The following PDE4B variants were observed in gnomAD, a reference collection of about 807,000 sequenced individuals.
PDE4B encodes the protein 3',5'-cyclic-AMP phosphodiesterase 4B.
A neutral mutation model predicts 82.2 loss-of-function variants in PDE4B; 20 were observed. The observed-to-expected ratio is 0.24, with a 90% CI of 0.17 to 0.35. The LOEUF (loss-of-function observed/expected upper bound fraction) is 0.35. Among genes scored for constraint, PDE4B ranks in the 10% least tolerant of loss-of-function variants. The pLI, the probability that PDE4B is intolerant of heterozygous loss-of-function variation, is 1.00. For missense variants in PDE4B, 655 were observed against 907.2 expected (o/e 0.72, Z 3.57); for synonymous variants, 320 against 318.9 (o/e 1.00, Z -0.04).
intron 3 of PDE4B, among the ~76,000 whole-genome samples, chr1:66,077,949 T>G (rs1656515187): frequency 6.6e-6 from 1 of 152,204 alleles, no homozygotes; most frequent in Non-Finnish European, 1.5e-5. Flanking sequence ...GTAAAAATTA[T>G]TTCTCACAAT....
Position 66,311,754 on chromosome 1 carries a change from G to A in PDE4B, c.635-20754G>A, listed in dbSNP as rs151097582. The stretch of plus-strand genomic sequence containing the variant: ...AGCATCATTTTCTCATTTCCCTCAT[G>A]ACACACATTTTAAAGCAGCAAAGTG... On this transcript the variant is annotated intron_variant, in intron 7 of 16. Coordinates refer to ENST00000341517, the MANE Select transcript of PDE4B (RefSeq NM_002600.4). Among the ~76,000 whole-genome samples, 393 of 152,314 alleles carry A rather than the reference G, an allele frequency of 2.6e-3. 4 individuals are homozygous for A. Among genetic ancestry groups the A allele is most frequent in the Admixed American group, 0.022 (338 of 15,290 alleles).
At chr1:65,920,967 T>TC (rs1220628721) in intron 3 of PDE4B, among the ~76,000 whole-genome samples, 1 of 132,530 alleles carries the variant, frequency 7.5e-6, no homozygotes, top group South Asian at 2.8e-4. Context: ...TTCTTTTTTT[T>TC]TTTTTTTTTT....
chr1:65,850,088 C>T (rs1037435695), intron 1 of PDE4B, among the ~76,000 whole-genome samples: 10 of 150,428 alleles, frequency 6.6e-5, no homozygotes, highest in Admixed American at 3.3e-4. Flanking sequence ...TCATCACCAA[C>T]GCTTAGTAGT....
chr1:65,971,293 C>A (rs546092271), intron 3 of PDE4B, among the ~76,000 whole-genome samples: 107 of 152,052 alleles, frequency 7.0e-4, no homozygotes, highest in Non-Finnish European at 1.3e-3. Flanking sequence ...AAAATGACAC[C>A]TGGTCCTTTA....
At chr1:66,005,806 G>A (rs1652116815) in intron 3 of PDE4B, among the ~76,000 whole-genome samples, 2 of 152,168 alleles carry the variant, frequency 1.3e-5, no homozygotes, top group Non-Finnish European at 2.9e-5. Context: ...CTATCTTCAT[G>A]AATACAGTGC....
rs925879236 is a variant in PDE4B, at chr1:65,792,944, C to G, written c.-375C>G. On this transcript the variant is annotated 5_prime_UTR_variant, in exon 1 of 17. Transcript: ENST00000341517. ...GCGCGTCGCCAGCGCCTGTGTCTCC[C>G]TGGCGCGGGTTCCCCAGGCTAGCCC... 6.6e-6 allele frequency among the ~76,000 whole-genome samples: 1 copy of G among 151,862 alleles called. No homozygotes were observed.
At chr1:66,100,872 T>G (rs1286734431) in intron 3 of PDE4B, among the ~76,000 whole-genome samples, 1 of 152,224 alleles carries the variant, frequency 6.6e-6, no homozygotes, top group Non-Finnish European at 1.5e-5. Flanking sequence ...AGGGTACATG[T>G]GCACAACGTG....
At chr1:65,877,765 C>G (rs1646663211) in intron 1 of PDE4B, among the ~76,000 whole-genome samples, 1 of 151,670 alleles carries the variant, frequency 6.6e-6, no homozygotes, top group Non-Finnish European at 1.5e-5. Flanking sequence ...AACATAAAAC[C>G]TAAAACCATA....
At chr1:66,202,949 T>A (rs1009687991) in intron 3 of PDE4B, among the ~76,000 whole-genome samples, 29 of 151,912 alleles carry the variant, frequency 1.9e-4, no homozygotes, top group African/African-American at 7.0e-4. Context: ...GCCTTGATGG[T>A]CTTTATAATT....
At chr1:66,354,207 A>C (rs762563040) in intron 8 of PDE4B, among the ~76,000 whole-genome samples, 1 of 152,174 alleles carries the variant, frequency 6.6e-6, no homozygotes, top group East Asian at 1.9e-4. Flanking sequence ...TGTTCAGAAA[A>C]TCGATTAATC....
At chr1:66,151,220 A>G (rs1220576202) in intron 3 of PDE4B, among the ~76,000 whole-genome samples, 1 of 152,240 alleles carries the variant, frequency 6.6e-6, no homozygotes, top group East Asian at 1.9e-4. Flanking sequence ...CAAAGAGAAC[A>G]GTAAAATGTA....
chr1:65,956,081 G>A (rs1649242588), intron 3 of PDE4B, among the ~76,000 whole-genome samples: 1 of 152,034 alleles, frequency 6.6e-6, no homozygotes, highest in South Asian at 2.1e-4. Context: ...GTTTTCTTCA[G>A]CAATTTATTC....
At chr1:66,111,069 A>G (rs1645476583) in intron 3 of PDE4B, among the ~76,000 whole-genome samples, 2 of 152,096 alleles carry the variant, frequency 1.3e-5, no homozygotes, top group Non-Finnish European at 2.9e-5. Context: ...TTTTAGCAAG[A>G]TTATCAAATT....
At chr1:66,316,585 T>G (rs1183033131) in intron 7 of PDE4B, among the ~76,000 whole-genome samples, 1 of 152,252 alleles carries the variant, frequency 6.6e-6, no homozygotes, top group East Asian at 1.9e-4. Flanking sequence ...GAGATTGATT[T>G]AAGCCAATAT....
chr1:66,220,352 T>G (rs1327148312), intron 3 of PDE4B, among the ~76,000 whole-genome samples: 1 of 152,168 alleles, frequency 6.6e-6, no homozygotes, highest in Non-Finnish European at 1.5e-5. Context: ...AGAAAACATT[T>G]TGTAGTTTCT....
At chr1:65,822,262 C>G (rs1570974713) in intron 1 of PDE4B, among the ~76,000 whole-genome samples, 1 of 152,134 alleles carries the variant, frequency 6.6e-6, no homozygotes, top group Non-Finnish European at 1.5e-5. Flanking sequence ...ATGACTATAG[C>G]TCAATTAATT....
intron 1 of PDE4B, among the ~76,000 whole-genome samples, chr1:65,805,097 T>C (rs1423265759): frequency 6.6e-6 from 1 of 151,830 alleles, no homozygotes; most frequent in African/African-American, 2.4e-5. Flanking sequence ...CCCGAGTAGC[T>C]GGGATTACAG....
At chr1:66,304,882 C>T (rs1658161378) in intron 7 of PDE4B, among the ~76,000 whole-genome samples, 1 of 152,170 alleles carries the variant, frequency 6.6e-6, no homozygotes, top group African/African-American at 2.4e-5. Flanking sequence ...GCTTTTCTTT[C>T]TGTGGACCTC....
At chr1:65,914,048 T>C (rs1647128098) in intron 2 of PDE4B, among the ~76,000 whole-genome samples, 1 of 152,186 alleles carries the variant, frequency 6.6e-6, no homozygotes, top group Non-Finnish European at 1.5e-5. Flanking sequence ...CCTTCATTAG[T>C]GTGTCTTTAA....
Sources: allele counts gnomAD v4.1 joint callset (sites outside exome capture counted in the v4.1 genomes callset), GRCh38; gene constraint gnomAD v4.1.1; transcripts MANE v1.5; gene names NCBI Gene and HGNC (gene_info 2026-07-23, HGNC 2026-07-21).